The following SCGB2B2 variants were observed in gnomAD, a reference collection of about 807,000 sequenced individuals.
SCGB2B2 encodes the protein secretoglobin-like protein.
Under a neutral mutation model 7.6 loss-of-function variants are expected in SCGB2B2, and 11 were observed. That is an observed-to-expected ratio of 1.45 (90% CI 0.91 to 2.40). The LOEUF (loss-of-function observed/expected upper bound fraction) is 2.40, where lower values mean the gene tolerates loss of function less well. Ranked by LOEUF, SCGB2B2 falls within the 30% of genes most tolerant of loss-of-function variation. The probability of loss-of-function intolerance (pLI) is 0.00; values close to 1 mark genes in which losing one functional copy is unlikely to be tolerated. For missense variants in SCGB2B2, 104 were observed against 115.4 expected (o/e 0.90, Z 0.45); for synonymous variants, 50 against 48.6 (o/e 1.03, Z -0.12).
chr19:34,602,979 A>G (rs1322283597), intron 1 of SCGB2B2, among the ~76,000 whole-genome samples: 1 of 152,164 alleles, frequency 6.6e-6, no homozygotes, highest in African/African-American at 2.4e-5. Context: ...TGGTTTCCTC[A>G]TTAAGTATTT....
intron 1 of SCGB2B2, among the ~76,000 whole-genome samples, chr19:34,618,103 C>CA (rs371300008): frequency 6.6e-5 from 10 of 152,358 alleles, no homozygotes; most frequent in African/African-American, 2.4e-4. Flanking sequence ...CTGCATCACT[C>CA]ACGCTGGGAG....
At chr19:34,620,594 A>G (rs1052941574) in intron 1 of SCGB2B2, among the ~76,000 whole-genome samples, 18 of 152,152 alleles carry the variant, frequency 1.2e-4, no homozygotes, top group African/African-American at 4.1e-4. Flanking sequence ...GCAGCACACC[A>G]ACATGGAACA....
Position 34,590,941 on chromosome 19 carries a change from A to G in SCGB2B2, c.*2614T>C, listed in dbSNP as rs2065283785. On this transcript the variant is annotated 3_prime_UTR_variant, in exon 4 of 4. Transcript: ENST00000601241. Reference sequence around the variant, plus strand: ...GTCCAAATTTCTCAGGGCATTTCTAATTCTTTTCATTTACTTCTGGTTGAA... The same window carrying G: ...GTCCAAATTTCTCAGGGCATTTCTAGTTCTTTTCATTTACTTCTGGTTGAA... 6.6e-6 allele frequency among the ~76,000 whole-genome samples: 1 copy of G among 152,206 alleles called. No individual in the cohort carries two copies.
rs1354816685 is a variant in SCGB2B2 at position 34,650,554 on chromosome 19, G to A, written c.-2032+25076C>T. 4.0e-5 allele frequency among the ~76,000 whole-genome samples: 6 copies of A among 151,192 alleles called. 1 individual carries two copies. The highest frequency in any genetic ancestry group is 5.9e-5 in the Non-Finnish European group (4 of 68,018). On this transcript the variant is annotated intron_variant, in intron 1 of 3. Transcript: ENST00000601241. ...AAATATAACCTACCGGGATTGAGCC[G>A]AAAAGAAATCAAACTCCTGAACAGA...
chr19:34,607,294 TAGAC>T (rs142242349), intron 1 of SCGB2B2, among the ~76,000 whole-genome samples: 2,970 of 152,316 alleles, frequency 0.019, 44 homozygotes, highest in East Asian at 0.066. Flanking sequence ...GATGGATGGA[TAGAC>T]AGACAGATAG....
At position 34,593,608 on chromosome 19, in the gene SCGB2B2, A is replaced by T. The variant is rs1190965985; in HGVS notation, c.247-9T>A. 6.4e-7 allele frequency: 1 copy of T among 1,551,638 alleles called. No individual in the cohort carries two copies. Among genetic ancestry groups the T allele is most frequent in the Non-Finnish European group, 8.7e-7 (1 of 1,147,024 alleles). On this transcript the variant is annotated splice_polypyrimidine_tract_variant and intron_variant, in intron 3 of 3. Coordinates refer to ENST00000601241, the MANE Select transcript of SCGB2B2 (RefSeq NM_001025591.4). ...CTCTGAAGGATCTTCTTCTGTTGGA[A>T]AAAGAAGAAAGAGAGGAGCCGGTGG...
intron 1 of SCGB2B2, among the ~76,000 whole-genome samples, chr19:34,657,954 G>A (rs1293309100): frequency 6.6e-6 from 1 of 152,090 alleles, no homozygotes; most frequent in Non-Finnish European, 1.5e-5. Context: ...ACTCAAAACT[G>A]CACAAATACA....
downstream of SCGB2B2, among the ~76,000 whole-genome samples, chr19:34,589,077 G>A (rs993581457): frequency 6.6e-6 from 1 of 152,110 alleles, no homozygotes; most frequent in Non-Finnish European, 1.5e-5. Flanking sequence ...TGGGGTGTGT[G>A]GTGACGTGAT....
At position 34,590,740 on chromosome 19, in the gene SCGB2B2, G is replaced by A. The variant is rs1343967589; in HGVS notation, c.*2815C>T. On this transcript the variant is annotated 3_prime_UTR_variant, in exon 4 of 4. Transcript: ENST00000601241. ...GAATAACAGAGTCGTAAGCATTTTA[G>A]TTAAAGTAAACTCACAGGACATTGT... is the stretch of plus-strand genomic sequence containing the variant. Among the ~76,000 whole-genome samples the A allele has an allele frequency of 9.9e-6, 1 of 101,356 alleles. No individual in the cohort carries two copies. Among genetic ancestry groups the A allele is most frequent in the Non-Finnish European group, 2.1e-5 (1 of 48,094 alleles). 66.5% of individuals were successfully genotyped at this position (101,356 alleles called of 152,430 possible).
At chr19:34,630,194 T>C (rs2066490310) in intron 1 of SCGB2B2, among the ~76,000 whole-genome samples, 1 of 151,936 alleles carries the variant, frequency 6.6e-6, no homozygotes, top group Non-Finnish European at 1.5e-5. Flanking sequence ...ATTCAGGACA[T>C]AGGCATGGGC....
At chr19:34,629,271 G>A (rs2066463090) in intron 1 of SCGB2B2, among the ~76,000 whole-genome samples, 1 of 151,898 alleles carries the variant, frequency 6.6e-6, no homozygotes, top group Non-Finnish European at 1.5e-5. Context: ...TCTGGCCAGG[G>A]CAATCAGGCA....
intron 1 of SCGB2B2, among the ~76,000 whole-genome samples, chr19:34,622,751 T>C (rs1231769134): frequency 6.6e-6 from 1 of 152,142 alleles, no homozygotes; most frequent in Non-Finnish European, 1.5e-5. Flanking sequence ...AGAGAGATCT[T>C]TGGACACGGC....
At position 34,667,134 on chromosome 19, in the gene SCGB2B2, G is replaced by A. The variant is rs7246596; in HGVS notation, c.-2032+8496C>T. On this transcript the variant is annotated intron_variant, in intron 1 of 3. Transcript: ENST00000601241. ...TGAGATCAGGGACTCTGTTCCCTGA[G>A]AGCCTCTCTCTCCACCCAAACACTT... 1.6e-3 allele frequency among the ~76,000 whole-genome samples: 246 copies of A among 152,168 alleles called. 1 individual carries two copies. The highest frequency in any genetic ancestry group is 5.5e-3 in the African/African-American group (227 of 41,524).
Position 34,596,325 on chromosome 19 carries a change from C to T in SCGB2B2, c.-1762G>A, listed in dbSNP as rs1277127090. ...CTGTGTCGTCCCTGCCACCTGTGGT[C>T]CTGCAGCCTGGGCTGCAACCTGCGC... On this transcript the variant is annotated 5_prime_UTR_variant, in exon 2 of 4. Transcript: ENST00000601241. The T allele has an allele frequency of 6.6e-6, 1 of 152,448 alleles. No homozygotes were observed. The highest frequency in any genetic ancestry group is 6.5e-5 in the Admixed American group (1 of 15,286). The allele number at this position is 152,448 out of a possible 1,614,324, so 9.4% of individuals were successfully genotyped here.
intron 1 of SCGB2B2, among the ~76,000 whole-genome samples, chr19:34,642,588 T>C (rs1600061154): frequency 6.6e-6 from 1 of 150,658 alleles, no homozygotes; most frequent in Non-Finnish European, 1.5e-5. Context: ...TGGTGGCGGG[T>C]CCTTGTAATC....
At chr19:34,660,291 A>T (rs2067415868) in intron 1 of SCGB2B2, among the ~76,000 whole-genome samples, 1 of 152,208 alleles carries the variant, frequency 6.6e-6, no homozygotes, top group African/African-American at 2.4e-5. Flanking sequence ...AATGGGATCT[A>T]ATTGAACTAA....
intron 1 of SCGB2B2, among the ~76,000 whole-genome samples, chr19:34,651,457 G>A (rs1299311769): frequency 6.6e-6 from 1 of 151,104 alleles, no homozygotes; most frequent in African/African-American, 2.5e-5. Flanking sequence ...CAAAATCAAC[G>A]TATTAAAAGC....
chr19:34,607,377 T>C (rs1014591705), intron 1 of SCGB2B2, among the ~76,000 whole-genome samples: 9 of 152,224 alleles, frequency 5.9e-5, no homozygotes, highest in African/African-American at 2.2e-4. Flanking sequence ...GGCATTTAGG[T>C]TGTTTCCCTA....
intron 1 of SCGB2B2, chr19:34,632,075 A>T (rs2066550675): frequency 1.3e-5 from 2 of 152,196 alleles, no homozygotes; most frequent in Non-Finnish European, 2.9e-5. Flanking sequence ...AAAACCAAAA[A>T]ACAACACTGT....
Sources: allele counts gnomAD v4.1 joint callset (sites outside exome capture counted in the v4.1 genomes callset), GRCh38; gene constraint gnomAD v4.1.1; transcripts MANE v1.5; gene names NCBI Gene and HGNC (gene_info 2026-07-23, HGNC 2026-07-21).